BIN1: variants seen among roughly 807,000 people sequenced by gnomAD.
The protein encoded by BIN1 is myc box-dependent-interacting protein 1.
Under a neutral mutation model 82.0 loss-of-function variants are expected in BIN1, and 53 were observed. The ratio of observed to expected loss-of-function variants is 0.65; its 90% confidence interval spans 0.52 to 0.81. BIN1 has a LOEUF of 0.81. BIN1 is among the 40% of genes least tolerant of loss of function. The pLI is 0.00. For missense variants in BIN1, 642 were observed against 784.4 expected (o/e 0.82, Z 2.17); for synonymous variants, 302 against 328.0 (o/e 0.92, Z 0.86).
intron 1 of BIN1, among the ~76,000 whole-genome samples, chr2:127,100,159 A>G (rs992033477): frequency 7.9e-5 from 12 of 152,222 alleles, no homozygotes; most frequent in Non-Finnish European, 1.2e-4. Context: ...TATTTGGGAA[A>G]AAACACACAG....
chr2:127,061,507 G>A (rs1684485242), intron 10 of BIN1, among the ~76,000 whole-genome samples: 1 of 152,182 alleles, frequency 6.6e-6, no homozygotes, highest in Admixed American at 6.5e-5. Flanking sequence ...ATGGCCAGAA[G>A]GGAGGGGAAG....
intron 2 of BIN1, among the ~76,000 whole-genome samples, chr2:127,072,412 C>G (rs1686004512): frequency 6.6e-6 from 1 of 152,206 alleles, no homozygotes; most frequent in South Asian, 2.1e-4. Context: ...GCGACCGGCC[C>G]AGTCACACAG....
rs1449424274 is a variant in BIN1, at chr2:127,067,935, G to A, written c.612+228C>T. Among the ~76,000 whole-genome samples the A allele has an allele frequency of 3.3e-5, 5 of 152,120 alleles. No homozygotes were observed. The highest frequency in any genetic ancestry group is 2.6e-4 in the Admixed American group (4 of 15,280). ...ATGACCACAGATGCAGCCACGGAGC[G>A]GGCATAGCTATGCCCCCACCCAGGT... On this transcript the variant is annotated intron_variant, in intron 7 of 18. Coordinates refer to ENST00000316724, the MANE Select transcript of BIN1 (RefSeq NM_139343.3). The surrounding 1 kb of genome is among the most constrained non-coding windows in gnomAD (Gnocchi z 4.7).
rs771152447 is a variant in BIN1, at chr2:127,057,348, G to A, written c.1131+125C>T. The A allele has an allele frequency of 1.2e-5, 15 of 1,288,650 alleles. No individual in the cohort carries two copies. Among genetic ancestry groups the A allele is most frequent in the Admixed American group, 8.7e-5 (3 of 34,400 alleles). 79.8% of individuals were successfully genotyped at this position (1,288,650 alleles called of 1,614,324 possible). ...GATGGAGGGAACAAAGGGTGAGAGA[G>A]GGAAACTGACACTCTCTCTGGCCAG... On this transcript the variant is annotated intron_variant, in intron 12 of 18. Transcript: ENST00000316724. This position sits in a 1 kb window ranked among gnomAD's most constrained non-coding sequence, Gnocchi z 5.0.
rs553301517 is a variant in BIN1, at chr2:127,054,484, G to A, written c.1132-472C>T. ...TAACACCATGCCACAGCCACCCTCA[G>A]TGCTCCCGACTGGGAAAGTTCCAAA... is the stretch of plus-strand genomic sequence containing the variant. On this transcript the variant is annotated intron_variant, in intron 12 of 18. Transcript: ENST00000316724. The A allele has an allele frequency of 4.8e-3, 841 of 176,628 alleles. 7 individuals carry two copies. The highest frequency in any genetic ancestry group is 0.019 in the African/African-American group (819 of 42,398). 10.9% of individuals were successfully genotyped at this position (176,628 alleles called of 1,614,324 possible).
In BIN1 at chr2:127,059,045, G is replaced by C; in HGVS notation, c.968C>G (p.Thr323Arg). 6.4e-7 allele frequency: 1 copy of C among 1,568,802 alleles called. No individual in the cohort carries two copies. The highest frequency in any genetic ancestry group is 8.6e-7 in the Non-Finnish European group (1 of 1,156,882). Residue 323 changes from threonine to arginine, a missense_variant, in exon 11 of 19, where the codon ACG becomes AGG. Thr to Arg is a moderately conservative substitution (Grantham distance 71). Coordinates refer to ENST00000316724, the MANE Select transcript of BIN1 (RefSeq NM_139343.3). This position sits in a 1 kb window ranked among gnomAD's most constrained non-coding sequence, Gnocchi z 6.7. ...NHEPEPAGGA[T>R]PGATLPKSPS... is the part of the protein sequence containing the mutation. Reference sequence around the variant, plus strand: ...GGACTTGGGGAGGGTGGCCCCGGGCGTGGCCCCGCCGGCCGGCTCTGGCTC... The same window carrying C: ...GGACTTGGGGAGGGTGGCCCCGGGCCTGGCCCCGCCGGCCGGCTCTGGCTC...
At chr2:127,052,451 T>C in intron 14 of BIN1, 89 bp from the exon 15 acceptor site, 6 of 1,273,508 alleles carry the variant, frequency 4.7e-6, no homozygotes, top group Non-Finnish European at 6.6e-6. Context: ...CAAGAGAAAA[T>C]GTCACCAGCG....
intron 1 of BIN1, among the ~76,000 whole-genome samples, chr2:127,092,338 G>C (rs546607078): frequency 6.6e-6 from 1 of 152,198 alleles, no homozygotes; most frequent in Non-Finnish European, 1.5e-5. Flanking sequence ...GCACACAGTG[G>C]GACAGAAGTG....
In BIN1 at chr2:127,057,329, G is replaced by A. The variant is rs1241015499; in HGVS notation, c.1131+144C>T. ...AGGATGATGGAGGATGATGGATGGA[G>A]GGAACAAAGGGTGAGAGAGGGAAAC... On this transcript the variant is annotated intron_variant, in intron 12 of 18. Coordinates refer to ENST00000316724, the MANE Select transcript of BIN1 (RefSeq NM_139343.3). This position sits in a 1 kb window ranked among gnomAD's most constrained non-coding sequence, Gnocchi z 5.0. 6.1e-6 allele frequency: 7 copies of A among 1,147,088 alleles called. No individual in the cohort carries two copies. In the Admixed American group the frequency reaches 1.3e-4, roughly 21 times the overall value. 71.1% of individuals were successfully genotyped at this position (1,147,088 alleles called of 1,614,324 possible). A position where few individuals can be genotyped will look rare whatever the true frequency, so the allele number is the denominator to read the frequency against.
Position 127,084,160 on chromosome 2 carries a change from C to T in BIN1, c.85-7454G>A, listed in dbSNP as rs569582400. Among the ~76,000 whole-genome samples, 12 of 152,322 alleles carry T rather than the reference C, an allele frequency of 7.9e-5. No individual in the cohort carries two copies. The South Asian group carries it at 2.5e-3, about 32-fold the overall frequency. On this transcript the variant is annotated intron_variant, in intron 1 of 18. Transcript: ENST00000316724. ...CTGGAGGAGAAAAAAAACTGCAGAC[C>T]TGCTGAACCAGAGTGTTCCCTTTAA...
rs1282120888 is a variant in BIN1, at chr2:127,082,343, G to A, written c.85-5637C>T. On this transcript the variant is annotated intron_variant, in intron 1 of 18. Coordinates refer to ENST00000316724, the MANE Select transcript of BIN1 (RefSeq NM_139343.3). The surrounding 1 kb of genome is among the most constrained non-coding windows in gnomAD (Gnocchi z 6.1). Reference sequence around the variant, plus strand: ...CCTCATGCTCCAGGGGCCCCTGCAGGGGAGACAGAGGGCAGGATGGCCAGC... The same window carrying A: ...CCTCATGCTCCAGGGGCCCCTGCAGAGGAGACAGAGGGCAGGATGGCCAGC... Among the ~76,000 whole-genome samples the A allele has an allele frequency of 6.6e-6, 1 of 152,176 alleles. No individual in the cohort carries two copies. The highest frequency in any genetic ancestry group is 1.5e-5 in the Non-Finnish European group (1 of 68,014).
At chr2:127,053,684 G>A (rs989433439) in intron 13 of BIN1, 8 of 712,296 alleles carry the variant, frequency 1.1e-5, no homozygotes, top group African/African-American at 1.1e-4. Context: ...GCACAAAGTT[G>A]CCAGGAAGTG....
chr2:127,097,799 T>A (rs12617750), intron 1 of BIN1, among the ~76,000 whole-genome samples: 5 of 151,898 alleles, frequency 3.3e-5, no homozygotes, highest in Admixed American at 2.6e-4. Flanking sequence ...CCAAGGGCCC[T>A]GGGCTACAGC....
chr2:127,048,760 C>T, intron 18 of BIN1, 127 bp from the exon 19 acceptor site: 1 of 853,696 alleles, frequency 1.2e-6, no homozygotes, highest in South Asian at 1.4e-5. Flanking sequence ...GCCTGCCAAG[C>T]CCACCTTGAG....
chr2:127,077,679 C>A (rs1247954294), intron 1 of BIN1, among the ~76,000 whole-genome samples: 1 of 152,034 alleles, frequency 6.6e-6, no homozygotes, highest in Non-Finnish European at 1.5e-5. Flanking sequence ...TAGGAAAGAG[C>A]AGGAGAAGAA....
intron 1 of BIN1, among the ~76,000 whole-genome samples, chr2:127,103,184 T>G (rs1680571533): frequency 6.6e-6 from 1 of 152,130 alleles, no homozygotes; most frequent in African/African-American, 2.4e-5. Flanking sequence ...CCATTGTCCT[T>G]TCTATTACAG....
chr2:127,053,562 C>A, intron 13 of BIN1, 117 bp from the exon 14 acceptor site: 1 of 1,384,950 alleles, frequency 7.2e-7, no homozygotes, highest in Non-Finnish European at 1.0e-6. Flanking sequence ...CCAGCAGGCA[C>A]AGGAGTGGCT....
At chr2:127,073,038 AG>A (rs1366154061) in intron 2 of BIN1, among the ~76,000 whole-genome samples, 1 of 152,144 alleles carries the variant, frequency 6.6e-6, no homozygotes, top group East Asian at 1.9e-4. Flanking sequence ...CCCCCACAGC[AG>A]GGGTCCCCAT....
chr2:127,094,907 G>C (rs1353073185), intron 1 of BIN1, among the ~76,000 whole-genome samples: 1 of 152,160 alleles, frequency 6.6e-6, no homozygotes, highest in Admixed American at 6.5e-5. Flanking sequence ...CCTCAATTGG[G>C]GAGGTTGACC....
Sources: allele counts gnomAD v4.1 joint callset (sites outside exome capture counted in the v4.1 genomes callset), GRCh38; gene constraint gnomAD v4.1.1; non-coding constraint Gnocchi (gnomAD v3.1); transcripts MANE v1.5; gene names NCBI Gene and HGNC (gene_info 2026-07-23, HGNC 2026-07-21).